The following SYNE1 variants were observed in gnomAD, a reference collection of about 807,000 sequenced individuals.
SYNE1 encodes the protein nesprin-1.
SYNE1 carries 616 observed loss-of-function variants against 1,111.0 expected under a neutral mutation model. The ratio of observed to expected loss-of-function variants is 0.55; its 90% confidence interval spans 0.52 to 0.59. The LOEUF (loss-of-function observed/expected upper bound fraction) is 0.59, where lower values mean the gene tolerates loss of function less well. Ranked by LOEUF, SYNE1 falls within the 20% of genes least tolerant of loss-of-function variation. The probability of loss-of-function intolerance (pLI) is 0.00; values close to 1 mark genes in which losing one functional copy is unlikely to be tolerated. For synonymous variants in SYNE1, 3,855 were observed against 3,825.8 expected, an observed-to-expected ratio of 1.01 and a Z score of -0.28; for missense variants, 10,006 against 10,417.0, an observed-to-expected ratio of 0.96 and a Z score of 1.72.
intron 6 of SYNE1, among the ~76,000 whole-genome samples, chr6:152,515,141 G>A (rs1293796416): frequency 6.6e-6 from 1 of 151,590 alleles, no homozygotes; most frequent in African/African-American, 2.4e-5. Flanking sequence ...AGAATCTCTT[G>A]AACCTGAGAG....
chr6:152,583,572 C>T (rs948297454), intron 3 of SYNE1, among the ~76,000 whole-genome samples: 6 of 152,164 alleles, frequency 3.9e-5, no homozygotes, highest in South Asian at 2.1e-4. Flanking sequence ...AAACAGAAGA[C>T]GCCTTACTTC....
At position 152,198,920 on chromosome 6, in the gene SYNE1, A is replaced by G. The variant is rs1321586836; in HGVS notation, c.23145+2904T>C. On this transcript the variant is annotated intron_variant, in intron 127 of 145. Transcript: ENST00000367255. ...TTATGCAGACATATAAAGTGAGCACATGCTGTTGGAAAAATGGTGCTGGTA... is the reference window on the plus strand; with the variant it reads ...TTATGCAGACATATAAAGTGAGCACGTGCTGTTGGAAAAATGGTGCTGGTA... Among the ~76,000 whole-genome samples, 3 of 151,096 alleles carry G rather than the reference A, an allele frequency of 2.0e-5. No individual in the cohort carries two copies. In the South Asian group the frequency reaches 6.4e-4, roughly 32 times the overall value.
intron 3 of SYNE1, among the ~76,000 whole-genome samples, chr6:152,591,384 A>G (rs973592254): frequency 6.6e-6 from 1 of 152,230 alleles, no homozygotes; most frequent in Non-Finnish European, 1.5e-5. Context: ...ATCTTCAACA[A>G]GGCTAACAAA....
intron 21 of SYNE1, 103 bp from the exon 22 acceptor site, chr6:152,459,033 A>G: frequency 2.0e-6 from 2 of 980,594 alleles, no homozygotes; most frequent in Non-Finnish European, 3.2e-6. Flanking sequence ...TGACATGATC[A>G]TTTGGTGCTT....
chr6:152,620,084 T>C (rs60483197), intron 3 of SYNE1, among the ~76,000 whole-genome samples: 9,884 of 152,208 alleles, frequency 0.065, 514 homozygotes, highest in East Asian at 0.16. Context: ...ATGCACATAC[T>C]CTTTTTATAT....
chr6:152,538,671 A>G (rs1352513432), intron 4 of SYNE1, among the ~76,000 whole-genome samples: 1 of 151,700 alleles, frequency 6.6e-6, no homozygotes, highest in Non-Finnish European at 1.5e-5. Context: ...TGACAATTCC[A>G]TAGTACAAAT....
chr6:152,265,207 G>GAAAAAAA (rs36042696), intron 100 of SYNE1, among the ~76,000 whole-genome samples: 4 of 87,832 alleles, frequency 4.6e-5, no homozygotes, highest in Admixed American at 1.4e-4. Flanking sequence ...CTCTGTCTCA[G>GAAAAAAA]AAAAAAAAAA....
chr6:152,255,856 G>A, intron 102 of SYNE1, 110 bp from the exon 103 acceptor site: 1 of 1,279,870 alleles, frequency 7.8e-7, no homozygotes, highest in Non-Finnish European at 1.1e-6. Context: ...TGAGCACTTT[G>A]GTAGCCCAAA....
intron 56 of SYNE1, 136 bp downstream of exon 56, chr6:152,380,870 T>A: frequency 2.4e-6 from 2 of 841,006 alleles, no homozygotes; most frequent in Non-Finnish European, 4.0e-6. Context: ...ACTTTGCTTA[T>A]TTAATGAGAT....
chr6:152,404,102 G>GAT, intron 46 of SYNE1, 111 bp downstream of exon 46: 1 of 426,676 alleles, frequency 2.3e-6, no homozygotes, highest in South Asian at 3.4e-5. Flanking sequence ...ATAGATATAT[G>GAT]AGATATATAT....
At chr6:152,559,029 GA>G (rs2099385458) in intron 3 of SYNE1, among the ~76,000 whole-genome samples, 1 of 140,130 alleles carries the variant, frequency 7.1e-6, no homozygotes, top group Admixed American at 7.1e-5. Context: ...TATTTTTAGA[GA>G]GAGGGTCGCA....
chr6:152,416,493 C>A lies in SYNE1; in HGVS notation c.5944G>T (p.Ala1982Ser). ...EADALAVLKK[A>S]FQDQKEELLK... ...AGCTCCTCTTTCTGGTCTTGGAATG[C>A]TTTTTTCAACACTGCCAGAGCATCT... Residue 1982 changes from alanine (A) to serine (S), a missense_variant, in exon 41 of 146, where the codon GCA (alanine) becomes TCA (serine). Physicochemically the swap from Ala to Ser is moderately conservative, Grantham distance 99 (BLOSUM62 1). This residue lies in a region of SYNE1 where 4,955 missense variants were observed against 5,017.2 expected (regional missense o/e 0.99). Coordinates refer to ENST00000367255, the MANE Select transcript of SYNE1 (RefSeq NM_182961.4). 1 of 1,614,092 alleles carries A rather than the reference C, an allele frequency of 6.2e-7. No individual in the cohort carries two copies.
chr6:152,276,509 C>T (rs536726485), intron 98 of SYNE1, among the ~76,000 whole-genome samples: 59 of 150,558 alleles, frequency 3.9e-4, no homozygotes, highest in Non-Finnish European at 7.5e-4. Flanking sequence ...AGCAAAAAGC[C>T]GAAAAAAAAA....
chr6:152,380,010 T>A (rs61472249), intron 56 of SYNE1, among the ~76,000 whole-genome samples: 1,686 of 152,298 alleles, frequency 0.011, 27 homozygotes, highest in African/African-American at 0.039. Flanking sequence ...GTGACAGAAC[T>A]GATTTCTATG....
intron 49 of SYNE1, 22 bp downstream of exon 49, chr6:152,398,596 GA>G (rs2080851993): frequency 1.2e-6 from 2 of 1,600,852 alleles, no homozygotes; most frequent in Non-Finnish European, 1.7e-6. Flanking sequence ...GGGGAAGAAG[GA>G]AAAGGATGTC....
chr6:152,547,205 G>A (rs1003035901), intron 3 of SYNE1, among the ~76,000 whole-genome samples: 1 of 152,224 alleles, frequency 6.6e-6, no homozygotes, highest in East Asian at 1.9e-4. Flanking sequence ...TTTGGTGGTG[G>A]TTTGTTGCAC....
Position 152,395,656 on chromosome 6 carries a change from G to A in SYNE1, c.7572C>T (p.His2524=). The part of the protein sequence containing the change: ...ASELGSFEDQ[H]RKLNLWIHEM... ...CATGGATCCATAAGTTCAGTTTTCTGTGCTGATCTTCAAAGCTAAGGGAAA... is the reference window on the plus strand; with the variant it reads ...CATGGATCCATAAGTTCAGTTTTCTATGCTGATCTTCAAAGCTAAGGGAAA... The change falls in exon 51 of 146, where the codon CAC becomes CAT. Residue 2524 remains histidine, a synonymous_variant. Transcript: ENST00000367255. 6.2e-7 allele frequency: 1 copy of A among 1,614,070 alleles called. No individual in the cohort carries two copies. Among genetic ancestry groups the A allele is most frequent in the Admixed American group, 1.7e-5 (1 of 60,012 alleles).
chr6:152,125,629 T>A (rs1218607674), intron 145 of SYNE1: 9 of 343,824 alleles, frequency 2.6e-5, no homozygotes, highest in Non-Finnish European at 4.3e-5. Context: ...TGTAGCTAGA[T>A]GAGTTATAAC....
intron 3 of SYNE1, among the ~76,000 whole-genome samples, chr6:152,603,812 GTA>G (rs761396784): frequency 2.0e-4 from 19 of 96,320 alleles, no homozygotes; most frequent in African/African-American, 7.0e-4. Context: ...TATATAGAGA[GTA>G]TATATATATA....
Sources: allele counts gnomAD v4.1 joint callset (sites outside exome capture counted in the v4.1 genomes callset), GRCh38; gene constraint gnomAD v4.1.1; regional missense constraint gnomAD v4.1.1; transcripts MANE v1.5; gene names NCBI Gene and HGNC (gene_info 2026-07-23, HGNC 2026-07-21).